Variants in PLCE1 observed in about 807,000 individuals in gnomAD.
PLCE1 encodes the protein phospholipase C epsilon 1.
PLCE1 carries 119 observed loss-of-function variants against 242.8 expected under a neutral mutation model. The observed-to-expected ratio is 0.49, with a 90% CI of 0.42 to 0.57. PLCE1 has a LOEUF of 0.57. PLCE1 is among the 20% of genes least tolerant of loss of function. The pLI, the probability that PLCE1 is intolerant of heterozygous loss-of-function variation, is 0.00. For synonymous variants in PLCE1, 945 were observed against 1,017.4 expected (o/e 0.93, Z 1.35); for missense variants, 2,441 against 2,788.8 (o/e 0.88, Z 2.81).
rs1341022209 is a variant in PLCE1 at position 94,284,864 on chromosome 10, T to C, written c.4934T>C (p.Leu1645Pro). Residue 1645 changes from leucine to proline, a missense_variant, in exon 22 of 33, where the codon CTG (leucine) becomes CCG (proline). Transcript: ENST00000371380. ...CCTTACCAGGTTTATGATATGGAAC[T>C]GGGAGAAGAATTTTATCTTGATCAG... ...CNKGKVYDME[L>P]GEEFYLDQNK... is the part of the protein sequence containing the mutation. 2.5e-6 allele frequency: 4 copies of C among 1,597,432 alleles called. No individual in the cohort carries two copies. Among genetic ancestry groups the C allele is most frequent in the Admixed American group, 3.3e-5 (2 of 59,956 alleles).
chr10:94,133,787 A>AT (rs1287824787), intron 3 of PLCE1, among the ~76,000 whole-genome samples: 6 of 152,154 alleles, frequency 3.9e-5, no homozygotes, highest in African/African-American at 1.4e-4. Flanking sequence ...CATTCAACAC[A>AT]TTTTTTGAGC....
intron 3 of PLCE1, among the ~76,000 whole-genome samples, chr10:94,168,475 C>T (rs1209898571): frequency 6.6e-6 from 1 of 152,050 alleles, no homozygotes; most frequent in Non-Finnish European, 1.5e-5. Flanking sequence ...ATTTGTGTTC[C>T]TTTGAGTGTG....
intron 24 of PLCE1, among the ~76,000 whole-genome samples, chr10:94,303,649 C>T (rs1252663623): frequency 6.6e-6 from 1 of 152,142 alleles, no homozygotes. Flanking sequence ...TTTTATCTTA[C>T]ATTTGAAATA....
At chr10:94,292,643 T>A (rs72814637) in intron 22 of PLCE1, among the ~76,000 whole-genome samples, 178 of 152,318 alleles carry the variant, frequency 1.2e-3, no homozygotes, top group Non-Finnish European at 2.2e-3. Flanking sequence ...CACTCCAAAG[T>A]CTATGCTCTT....
rs1484694470 is a variant in PLCE1, at chr10:94,330,861, A to G, written c.*2918A>G. 1 of 152,248 alleles carries G rather than the reference A, an allele frequency of 6.6e-6. No individual in the cohort carries two copies. Among genetic ancestry groups the G allele is most frequent in the Non-Finnish European group, 1.5e-5 (1 of 68,048 alleles). 9.4% of individuals were successfully genotyped at this position (152,248 alleles called of 1,614,324 possible). ...CTAAATAGCCACTATGACTATACCC[A>G]TTACCATTTCACACTTTTTAGGCCA... On this transcript the variant is annotated 3_prime_UTR_variant, in exon 33 of 33. Transcript: ENST00000371380.
chr10:94,056,690 A>G (rs376012775), intron 2 of PLCE1, among the ~76,000 whole-genome samples: 4 of 152,310 alleles, frequency 2.6e-5, no homozygotes, highest in East Asian at 3.9e-4. Context: ...ATACAATTCA[A>G]TGATTTAATT....
intron 4 of PLCE1, among the ~76,000 whole-genome samples, chr10:94,183,636 A>C (rs2048378792): frequency 6.6e-6 from 1 of 152,154 alleles, no homozygotes; most frequent in South Asian, 2.1e-4. Flanking sequence ...TTGCATTGCT[A>C]TAGAGAGATA....
rs201418194 is a variant in PLCE1 at position 94,234,319 on chromosome 10, C to T, written c.2214+7C>T. The T allele has an allele frequency of 3.6e-4, 582 of 1,613,548 alleles. 4 individuals are homozygous for T. The highest frequency in any genetic ancestry group is 3.6e-3 in the Middle Eastern group (21 of 5,864). On this transcript the variant is annotated splice_region_variant and intron_variant, in intron 6 of 32. Coordinates refer to ENST00000371380, the MANE Select transcript of PLCE1 (RefSeq NM_016341.4). Reference sequence around the variant, plus strand: ...CCAAGAAGAAACTTTAGAGGTAAGGCCTTTCAGAATCATCGTGGCCTGAAG... The same window carrying T: ...CCAAGAAGAAACTTTAGAGGTAAGGTCTTTCAGAATCATCGTGGCCTGAAG...
At chr10:94,200,102 G>C (rs947006468) in intron 4 of PLCE1, among the ~76,000 whole-genome samples, 1 of 152,174 alleles carries the variant, frequency 6.6e-6, no homozygotes, top group Non-Finnish European at 1.5e-5. Flanking sequence ...AATATCTATA[G>C]ATACACATAT....
Position 94,298,778 on chromosome 10 carries a change from T to C in PLCE1, c.5458+109T>C. 9.3e-7 allele frequency: 1 copy of C among 1,071,786 alleles called. No individual in the cohort carries two copies. The highest frequency in any genetic ancestry group is 2.4e-5 in the East Asian group (1 of 42,432). 66.4% of individuals were successfully genotyped at this position (1,071,786 alleles called of 1,614,324 possible). A position where few individuals can be genotyped will look rare whatever the true frequency, so the allele number is the denominator to read the frequency against. ...AGATTCCAGACTGGGGCACACCATA[T>C]GTGAGAGTAAAAATATGATGATGGA... On this transcript the variant is annotated intron_variant, in intron 24 of 32. Coordinates refer to ENST00000371380, the MANE Select transcript of PLCE1 (RefSeq NM_016341.4). The surrounding 1 kb of genome is among the most constrained non-coding windows in gnomAD (Gnocchi z 5.2).
intron 30 of PLCE1, among the ~76,000 whole-genome samples, chr10:94,322,358 GA>G (rs372336706): frequency 1.4e-5 from 2 of 145,926 alleles, no homozygotes; most frequent in African/African-American, 5.0e-5. Flanking sequence ...GTCTCTAATT[GA>G]AAAAAAAAAC....
intron 6 of PLCE1, among the ~76,000 whole-genome samples, chr10:94,235,004 G>T (rs2050266401): frequency 6.6e-6 from 1 of 151,108 alleles, no homozygotes; most frequent in African/African-American, 2.4e-5. Flanking sequence ...CCTTACCGGG[G>T]ACCAAACCCA....
rs937686425 is a variant in PLCE1 at position 94,159,989 on chromosome 10, A to G, written c.1493-11191A>G. ...CTGCATAGTATTCCATGGTGTATAT[A>G]TGCCACATTTTCTTAATCTGGTCTA... On this transcript the variant is annotated intron_variant, in intron 3 of 32. Coordinates refer to ENST00000371380, the MANE Select transcript of PLCE1 (RefSeq NM_016341.4). Among the ~76,000 whole-genome samples the G allele has an allele frequency of 9.2e-5, 14 of 152,252 alleles. No individual in the cohort carries two copies. The South Asian group carries it at 2.7e-3, about 29-fold the overall frequency.
At chr10:94,150,054 A>G (rs576468629) in intron 3 of PLCE1, among the ~76,000 whole-genome samples, 2 of 152,286 alleles carry the variant, frequency 1.3e-5, no homozygotes, top group East Asian at 3.9e-4. Context: ...TGTATAAATG[A>G]CCTATTTACC....
At chr10:94,307,111 A>G (rs1436349962) in intron 26 of PLCE1, among the ~76,000 whole-genome samples, 1 of 152,178 alleles carries the variant, frequency 6.6e-6, no homozygotes, top group Non-Finnish European at 1.5e-5. Flanking sequence ...GCTGGGTTTC[A>G]GGTGCAGGAA....
At chr10:94,056,899 G>A (rs1205936223) in intron 2 of PLCE1, among the ~76,000 whole-genome samples, 5 of 139,252 alleles carry the variant, frequency 3.6e-5, no homozygotes, top group African/African-American at 1.1e-4. Context: ...ATGGAATCAC[G>A]CAATGTTTGG....
intron 3 of PLCE1, among the ~76,000 whole-genome samples, chr10:94,159,197 T>A (rs899386774): frequency 1.3e-5 from 2 of 152,210 alleles, no homozygotes; most frequent in African/African-American, 4.8e-5. Flanking sequence ...TTTTAAGTAC[T>A]GACTTAGAAG....
At chr10:94,316,933 T>C (rs2053596085) in intron 29 of PLCE1, among the ~76,000 whole-genome samples, 177 bp downstream of exon 29, 1 of 152,224 alleles carries the variant, frequency 6.6e-6, no homozygotes, top group Non-Finnish European at 1.5e-5. Flanking sequence ...ATATTATCTC[T>C]AAGGTACAGA....
intron 4 of PLCE1, among the ~76,000 whole-genome samples, chr10:94,203,209 C>T (rs1484157304): frequency 6.6e-6 from 1 of 152,208 alleles, no homozygotes; most frequent in Non-Finnish European, 1.5e-5. Context: ...AGCACCTATA[C>T]ACAGTGGTGC....
Sources: gnomAD v4.1 joint callset for allele counts (sites outside exome capture counted in the v4.1 genomes callset) on GRCh38, gnomAD v4.1.1 for gene constraint, Gnocchi (gnomAD v3.1) non-coding constraint, MANE v1.5 for transcripts, NCBI Gene and HGNC (gene_info 2026-07-23, HGNC 2026-07-21) for gene names.